Variants in PACRG observed in about 807,000 individuals in gnomAD.
The protein encoded by PACRG is parkin coregulated.
In PACRG, 29 loss-of-function variants were observed where a neutral mutation model predicts 29.7. That is an observed-to-expected ratio of 0.98 (90% CI 0.73 to 1.33). PACRG has a LOEUF of 1.33. PACRG is among the 40% of genes most tolerant of loss of function. PACRG has a pLI of 0.00. For synonymous variants in PACRG, 116 were observed against 118.7 expected (o/e 0.98, Z 0.15); for missense variants, 279 against 316.2 (o/e 0.88, Z 0.89).
intron 1 of PACRG, among the ~76,000 whole-genome samples, chr6:162,771,513 A>G (rs1783218090): frequency 6.6e-6 from 1 of 152,104 alleles, no homozygotes; most frequent in African/African-American, 2.4e-5. Flanking sequence ...GGTGGCTTCT[A>G]CAGTCTTCAG....
At chr6:162,727,805 G>T, upstream of PACRG, 1 of 921,514 alleles carries the variant, frequency 1.1e-6, no homozygotes, top group Non-Finnish European at 1.6e-6. Flanking sequence ...CTAGGAATGC[G>T]CACGCGCGGA....
chr6:163,290,853 T>C (rs1018356052), intron 4 of PACRG, among the ~76,000 whole-genome samples: 1 of 152,144 alleles, frequency 6.6e-6, no homozygotes, highest in African/African-American at 2.4e-5. Flanking sequence ...CAGCGTGAGG[T>C]CCGGGTCAGG....
intron 1 of PACRG, among the ~76,000 whole-genome samples, chr6:162,801,457 A>T (rs1359160052): frequency 2.0e-5 from 3 of 151,486 alleles, no homozygotes; most frequent in African/African-American, 7.4e-5. Context: ...CATCTTTCTC[A>T]TAGCACCGAT....
At chr6:162,957,752 G>C (rs564211052) in intron 2 of PACRG, among the ~76,000 whole-genome samples, 1 of 151,850 alleles carries the variant, frequency 6.6e-6, no homozygotes, top group South Asian at 2.1e-4. Flanking sequence ...CCCAGAACTC[G>C]AATTTAATCT....
chr6:163,137,756 T>C (rs1816994433), intron 4 of PACRG, among the ~76,000 whole-genome samples: 1 of 152,260 alleles, frequency 6.6e-6, no homozygotes, highest in Admixed American at 6.5e-5. Flanking sequence ...AGAGACACGT[T>C]TGACAGATGG....
chr6:162,808,462 T>C (rs1450244823), intron 1 of PACRG, among the ~76,000 whole-genome samples: 3 of 152,142 alleles, frequency 2.0e-5, no homozygotes, highest in Non-Finnish European at 4.4e-5. Flanking sequence ...TGCTAAATAA[T>C]AAAAATAGTG....
At chr6:162,943,082 C>T (rs750159156) in intron 2 of PACRG, among the ~76,000 whole-genome samples, 1 of 152,214 alleles carries the variant, frequency 6.6e-6, no homozygotes, top group Non-Finnish European at 1.5e-5. Flanking sequence ...ATCCTAGTGA[C>T]TCAACCCCTG....
intron 2 of PACRG, among the ~76,000 whole-genome samples, chr6:162,959,658 A>C (rs1426302219): frequency 6.6e-6 from 1 of 152,094 alleles, no homozygotes; most frequent in African/African-American, 2.4e-5. Context: ...TGGGCTCCTG[A>C]GTTGAGAAGA....
At chr6:162,766,832 T>C (rs1278112680) in intron 1 of PACRG, among the ~76,000 whole-genome samples, 1 of 152,152 alleles carries the variant, frequency 6.6e-6, no homozygotes, top group East Asian at 1.9e-4. Context: ...TCAGTAGTTT[T>C]TCTTTTCTAA....
chr6:163,298,432 T>C (rs1784866092), intron 4 of PACRG, among the ~76,000 whole-genome samples: 1 of 152,234 alleles, frequency 6.6e-6, no homozygotes. Flanking sequence ...CCGTATGTGT[T>C]GCTGGAACAT....
At chr6:163,104,451 G>T (rs759553897) in intron 4 of PACRG, among the ~76,000 whole-genome samples, 2 of 152,108 alleles carry the variant, frequency 1.3e-5, no homozygotes, top group Non-Finnish European at 2.9e-5. Flanking sequence ...TTTTTAAAAA[G>T]AAGTTTATTT....
chr6:162,814,852 C>T (rs900640620), intron 2 of PACRG, among the ~76,000 whole-genome samples: 2 of 152,162 alleles, frequency 1.3e-5, no homozygotes, highest in Admixed American at 6.5e-5. Flanking sequence ...CATTACAGCA[C>T]GGACATTTTT....
At chr6:163,164,714 C>T (rs1366441080) in intron 4 of PACRG, among the ~76,000 whole-genome samples, 4 of 152,212 alleles carry the variant, frequency 2.6e-5, no homozygotes, top group African/African-American at 7.2e-5. Flanking sequence ...TCAAGCTGGG[C>T]CCCCATCACA....
intron 4 of PACRG, among the ~76,000 whole-genome samples, chr6:163,147,828 G>A (rs1460728264): frequency 1.3e-5 from 2 of 152,062 alleles, no homozygotes; most frequent in East Asian, 3.9e-4. Context: ...CCCAGCCCCG[G>A]GGAAGATGCT....
At chr6:162,922,825 G>T (rs556297531) in intron 2 of PACRG, among the ~76,000 whole-genome samples, 1 of 152,240 alleles carries the variant, frequency 6.6e-6, no homozygotes, top group Admixed American at 6.5e-5. Context: ...GGACATTCAG[G>T]TTGATTTCAT....
chr6:162,747,564 G>C (rs963340605), intron 1 of PACRG, among the ~76,000 whole-genome samples: 1 of 144,118 alleles, frequency 6.9e-6, no homozygotes, highest in East Asian at 2.1e-4. Flanking sequence ...ATCAGCACCA[G>C]TACACTGGGT....
chr6:163,045,050 C>T (rs1023085742), intron 2 of PACRG, among the ~76,000 whole-genome samples: 6 of 152,060 alleles, frequency 3.9e-5, no homozygotes, highest in African/African-American at 1.2e-4. Context: ...AGGAGGTAGG[C>T]GTGGAGGGAG....
intron 3 of PACRG, among the ~76,000 whole-genome samples, chr6:163,082,616 G>A (rs1813188654): frequency 6.6e-6 from 1 of 152,106 alleles, no homozygotes; most frequent in Admixed American, 6.5e-5. Context: ...CCTTCTGTTA[G>A]CGTCTCAGTA....
intron 2 of PACRG, among the ~76,000 whole-genome samples, chr6:162,822,675 A>T (rs1787940872): frequency 6.6e-6 from 1 of 151,380 alleles, no homozygotes; most frequent in Non-Finnish European, 1.5e-5. Context: ...TTAAGCACTT[A>T]AAAAAAACAG....
Sources: allele counts gnomAD v4.1 joint callset (sites outside exome capture counted in the v4.1 genomes callset), GRCh38; gene constraint gnomAD v4.1.1; transcripts MANE v1.5; gene names NCBI Gene and HGNC (gene_info 2026-07-23, HGNC 2026-07-21).